MOB3B: variants seen among roughly 807,000 people sequenced by gnomAD.
MOB3B encodes MOB kinase activator 3B, also known as MOB kinase activator-like 2B.
In MOB3B, 7 loss-of-function variants were observed where a neutral mutation model predicts 18.7. That is an observed-to-expected ratio of 0.37 (90% CI 0.21 to 0.70). The LOEUF is 0.70. Among genes scored for constraint, MOB3B ranks in the 30% least tolerant of loss-of-function variants. MOB3B has a pLI of 0.52. For missense variants in MOB3B, 253 were observed against 281.3 expected (o/e 0.90, Z 0.72); for synonymous variants, 111 against 99.9 (o/e 1.11, Z -0.66).
rs867481663 is a variant in MOB3B at position 27,529,108 on chromosome 9, G to T, written c.-199+447C>A. ...GAGACTCCTCCCTCAGGATCAGGAC[G>T]CCCAAGCGTTGTCCCCCAGCCCAGG... On this transcript the variant is annotated intron_variant, in intron 1 of 3. Transcript: ENST00000262244. Among the ~76,000 whole-genome samples, 13 of 152,186 alleles carry T rather than the reference G, an allele frequency of 8.5e-5. No individual in the cohort carries two copies. In the South Asian group the frequency reaches 2.7e-3, roughly 31 times the overall value.
Position 27,401,641 on chromosome 9 carries a change from G to A in MOB3B, c.419-42405C>T, listed in dbSNP as rs571118775. Among the ~76,000 whole-genome samples, 6 of 152,308 alleles carry A rather than the reference G, an allele frequency of 3.9e-5. No homozygotes were observed. In the East Asian group the frequency reaches 1.2e-3, roughly 29 times the overall value. Reference sequence around the variant, plus strand: ...TCCCTGGTGGCTGTGGCAGTCTTCTGATCTGCTAACATCCAAGGTACCTAA... The same window carrying A: ...TCCCTGGTGGCTGTGGCAGTCTTCTAATCTGCTAACATCCAAGGTACCTAA... On this transcript the variant is annotated intron_variant, in intron 2 of 3. Coordinates refer to ENST00000262244, the MANE Select transcript of MOB3B (RefSeq NM_024761.5).
At chr9:27,519,157 C>T (rs1316559190) in intron 1 of MOB3B, among the ~76,000 whole-genome samples, 3 of 152,144 alleles carry the variant, frequency 2.0e-5, no homozygotes, top group Non-Finnish European at 4.4e-5. Flanking sequence ...TATCCCTACA[C>T]AAAAAGAACC....
intron 2 of MOB3B, among the ~76,000 whole-genome samples, chr9:27,405,094 T>C (rs1002933436): frequency 2.2e-3 from 9 of 4,070 alleles, no homozygotes; most frequent in Middle Eastern, 0.17. Context: ...AACCTTTGTC[T>C]TTTTTTTTTT....
chr9:27,340,460 G>A (rs546351679), intron 3 of MOB3B, among the ~76,000 whole-genome samples: 4 of 152,332 alleles, frequency 2.6e-5, no homozygotes, highest in Admixed American at 2.0e-4. Flanking sequence ...AACCACAGGA[G>A]ATGGGTTACG....
chr9:27,432,270 T>C (rs1168116878), intron 2 of MOB3B, among the ~76,000 whole-genome samples: 1 of 151,690 alleles, frequency 6.6e-6, no homozygotes. Flanking sequence ...CTTTTTTTTT[T>C]CTCTATGTGC....
intron 1 of MOB3B, among the ~76,000 whole-genome samples, chr9:27,505,252 G>A (rs1483730346): frequency 1.3e-5 from 2 of 152,142 alleles, no homozygotes; most frequent in Admixed American, 1.3e-4. Flanking sequence ...GAATGACAGG[G>A]CTGCCTGCAA....
chr9:27,406,803 G>C (rs1404041500), intron 2 of MOB3B, among the ~76,000 whole-genome samples: 1 of 151,620 alleles, frequency 6.6e-6, no homozygotes, highest in Non-Finnish European at 1.5e-5. Context: ...AAACACTGGG[G>C]AAATGCTCAA....
At chr9:27,450,022 A>T (rs1314250785) in intron 2 of MOB3B, among the ~76,000 whole-genome samples, 2 of 151,928 alleles carry the variant, frequency 1.3e-5, no homozygotes, top group Non-Finnish European at 2.9e-5. Flanking sequence ...GTAAAGGCCA[A>T]TCATAAACTC....
At chr9:27,340,862 A>G (rs1454830182) in intron 3 of MOB3B, among the ~76,000 whole-genome samples, 1 of 152,196 alleles carries the variant, frequency 6.6e-6, no homozygotes, top group African/African-American at 2.4e-5. Context: ...CACAGTTGGC[A>G]GGAGTCTGCC....
intron 1 of MOB3B, among the ~76,000 whole-genome samples, chr9:27,470,559 T>C (rs1399727986): frequency 6.6e-6 from 1 of 152,228 alleles, no homozygotes; most frequent in Non-Finnish European, 1.5e-5. Flanking sequence ...TCCAAAGCTC[T>C]GAATCTGTAG....
rs746592960 is a variant in MOB3B, at chr9:27,455,251, C to T, written c.300G>A (p.Trp100Ter). 1 of 1,614,008 alleles carries T rather than the reference C, an allele frequency of 6.2e-7. No individual in the cohort carries two copies. Among genetic ancestry groups the T allele is most frequent in the East Asian group, 2.2e-5 (1 of 44,894 alleles). The change falls in exon 2 of 4, where the codon TGG becomes TGA. Residue 100 changes from tryptophan (W) to a stop codon, truncating the protein, a stop_gained. Transcript: ENST00000262244. LOFTEE classifies it high-confidence loss of function. ...MSGGPKYEYR[W>*]QDDLKYKKPT... Reference sequence around the variant, plus strand: ...GCTTCTTATACTTGAGATCATCCTGCCACCGATACTCATATTTGGGGCCCC... The same window carrying T: ...GCTTCTTATACTTGAGATCATCCTGTCACCGATACTCATATTTGGGGCCCC...
intron 1 of MOB3B, among the ~76,000 whole-genome samples, chr9:27,515,916 T>G (rs1361698025): frequency 2.6e-5 from 4 of 152,214 alleles, no homozygotes; most frequent in Non-Finnish European, 5.9e-5. Flanking sequence ...TTTGCAAATG[T>G]AATCAAATTA....
intron 2 of MOB3B, among the ~76,000 whole-genome samples, chr9:27,380,532 CCG>C (rs747185689): frequency 2.0e-5 from 3 of 152,146 alleles, no homozygotes; most frequent in Non-Finnish European, 4.4e-5. Context: ...CCACCACGCC[CCG>C]CCAAGAGATA....
chr9:27,521,147 C>T (rs1820318385), intron 1 of MOB3B, among the ~76,000 whole-genome samples: 1 of 152,226 alleles, frequency 6.6e-6, no homozygotes, highest in Admixed American at 6.5e-5. Context: ...TCTTCAACCA[C>T]AGCCTCCTCG....
chr9:27,465,177 A>C (rs1240263947), intron 1 of MOB3B, among the ~76,000 whole-genome samples: 5 of 152,208 alleles, frequency 3.3e-5, no homozygotes, highest in African/African-American at 1.2e-4. Flanking sequence ...CAAGCTAGTT[A>C]ATTCCTAGAC....
intron 1 of MOB3B, among the ~76,000 whole-genome samples, chr9:27,524,150 T>TAAAAAA (rs3081119): frequency 4.4e-5 from 4 of 90,256 alleles, no homozygotes; most frequent in Admixed American, 1.2e-4. Flanking sequence ...TCACCCGAAG[T>TAAAAAA]AAAAAAAAAA....
At chr9:27,391,600 T>A (rs138154280) in intron 2 of MOB3B, 9 of 152,228 alleles carry the variant, frequency 5.9e-5, no homozygotes, top group African/African-American at 1.9e-4. Flanking sequence ...CATCTCTGAG[T>A]GTGATCCAAA....
intron 1 of MOB3B, among the ~76,000 whole-genome samples, chr9:27,499,630 G>A (rs1290651315): frequency 1.3e-5 from 2 of 152,208 alleles, no homozygotes; most frequent in African/African-American, 2.4e-5. Context: ...TTACTAATTC[G>A]CTTTCCACAC....
chr9:27,479,894 A>G (rs757061378), intron 1 of MOB3B, among the ~76,000 whole-genome samples: 7 of 152,148 alleles, frequency 4.6e-5, no homozygotes, highest in South Asian at 2.1e-4. Context: ...AGTCTCTACA[A>G]AAAGTTTTAA....
Sources: allele counts gnomAD v4.1 joint callset (sites outside exome capture counted in the v4.1 genomes callset), GRCh38; gene constraint gnomAD v4.1.1; transcripts MANE v1.5; gene names NCBI Gene and HGNC (gene_info 2026-07-23, HGNC 2026-07-21).